EYA2: variants seen among roughly 807,000 people sequenced by gnomAD.
The protein encoded by EYA2 is EYA transcriptional coactivator and phosphatase 2.
Under a neutral mutation model 69.2 loss-of-function variants are expected in EYA2, and 31 were observed. The ratio of observed to expected loss-of-function variants is 0.45; its 90% CI spans 0.34 to 0.60. The LOEUF is 0.60. Ranked by LOEUF, EYA2 falls within the 20% of genes least tolerant of loss-of-function variation. The probability of loss-of-function intolerance (pLI) is 0.02; values close to 1 mark genes in which losing one functional copy is unlikely to be tolerated. For synonymous variants in EYA2, 257 were observed against 279.4 expected (o/e 0.92, Z 0.80); for missense variants, 622 against 701.2 (o/e 0.89, Z 1.28).
chr20:47,145,788 C>T (rs891713159), intron 10 of EYA2, among the ~76,000 whole-genome samples: 3 of 151,912 alleles, frequency 2.0e-5, no homozygotes, highest in Admixed American at 2.0e-4. Context: ...GTAATCCCAG[C>T]TACTCAGGAA....
chr20:47,167,850 ATG>A (rs1273302728), intron 10 of EYA2, among the ~76,000 whole-genome samples: 1 of 152,140 alleles, frequency 6.6e-6, no homozygotes, highest in East Asian at 1.9e-4. Context: ...CGAGATAAGA[ATG>A]TGCGCATCTT....
intron 5 of EYA2, among the ~76,000 whole-genome samples, chr20:47,046,982 G>A (rs58164086): frequency 0.036 from 5,551 of 152,184 alleles, 323 homozygotes; most frequent in African/African-American, 0.12. Flanking sequence ...TATGATATCT[G>A]TCTCCCCTGG....
chr20:46,948,455 A>C (rs1181338112), intron 1 of EYA2, among the ~76,000 whole-genome samples: 1 of 152,192 alleles, frequency 6.6e-6, no homozygotes, highest in African/African-American at 2.4e-5. Context: ...AACTGATTTT[A>C]TTAACCCATC....
At chr20:47,119,938 T>C (rs1340967453) in intron 9 of EYA2, among the ~76,000 whole-genome samples, 1 of 152,046 alleles carries the variant, frequency 6.6e-6, no homozygotes, top group Non-Finnish European at 1.5e-5. Flanking sequence ...CCGGGCACAG[T>C]GGCTCATGCC....
At chr20:46,990,622 A>G (rs1161832353) in intron 2 of EYA2, among the ~76,000 whole-genome samples, 1 of 152,248 alleles carries the variant, frequency 6.6e-6, no homozygotes, top group Non-Finnish European at 1.5e-5. Context: ...AACTATTGGC[A>G]AATGATGCAG....
intron 5 of EYA2, among the ~76,000 whole-genome samples, chr20:47,057,522 C>CCA (rs2030692552): frequency 1.3e-5 from 2 of 148,312 alleles, no homozygotes; most frequent in Non-Finnish European, 3.0e-5. Flanking sequence ...CCCCCCCCCC[C>CCA]ATCTCATACC....
At chr20:47,147,477 G>C (rs1194769166) in intron 10 of EYA2, among the ~76,000 whole-genome samples, 2 of 152,196 alleles carry the variant, frequency 1.3e-5, no homozygotes, top group Admixed American at 1.3e-4. Flanking sequence ...GAGTTGATGG[G>C]CTCCAGAAAC....
At chr20:47,071,594 A>G (rs1013860918) in intron 5 of EYA2, among the ~76,000 whole-genome samples, 6 of 152,156 alleles carry the variant, frequency 3.9e-5, no homozygotes, top group South Asian at 2.1e-4. Flanking sequence ...CCTGGCCTCA[A>G]ATTTTTTAAA....
intron 1 of EYA2, among the ~76,000 whole-genome samples, chr20:46,909,980 C>G (rs1984565159): frequency 6.6e-6 from 1 of 152,162 alleles, no homozygotes; most frequent in Non-Finnish European, 1.5e-5. Flanking sequence ...CATGCTCTTC[C>G]CCATGGGCCT....
intron 1 of EYA2, among the ~76,000 whole-genome samples, chr20:46,942,291 T>A (rs1407991480): frequency 6.6e-6 from 1 of 152,156 alleles, no homozygotes; most frequent in East Asian, 1.9e-4. Flanking sequence ...CACTGCAGCC[T>A]TGACCTCCTG....
At chr20:47,044,179 G>A (rs1192146553) in intron 5 of EYA2, among the ~76,000 whole-genome samples, 1 of 152,218 alleles carries the variant, frequency 6.6e-6, no homozygotes, top group African/African-American at 2.4e-5. Context: ...TCAGTCATCA[G>A]ACCATTTTCA....
chr20:47,182,294 C>T (rs1308244233), intron 14 of EYA2, among the ~76,000 whole-genome samples: 1 of 151,476 alleles, frequency 6.6e-6, no homozygotes, highest in Non-Finnish European at 1.5e-5. Context: ...GGATTACAGG[C>T]ATGAACCACC....
chr20:47,024,612 A>G (rs1983972495), intron 5 of EYA2, among the ~76,000 whole-genome samples: 1 of 152,192 alleles, frequency 6.6e-6, no homozygotes, highest in Admixed American at 6.5e-5. Context: ...TGCCAATTCC[A>G]GCCACATTAG....
intron 9 of EYA2, among the ~76,000 whole-genome samples, chr20:47,107,169 A>G (rs1003652819): frequency 2.0e-5 from 3 of 151,804 alleles, no homozygotes; most frequent in Admixed American, 2.0e-4. Context: ...TCCATTAAAA[A>G]CTCTGCCCTC....
chr20:47,008,003 G>A (rs1418203428), intron 4 of EYA2, among the ~76,000 whole-genome samples: 5 of 152,142 alleles, frequency 3.3e-5, no homozygotes, highest in African/African-American at 4.8e-5. Context: ...AGGAAGGCCC[G>A]TTGGGAGACG....
At chr20:47,083,083 C>T (rs972615570) in intron 7 of EYA2, among the ~76,000 whole-genome samples, 1 of 151,864 alleles carries the variant, frequency 6.6e-6, no homozygotes, top group African/African-American at 2.4e-5. Flanking sequence ...CCCATCTGCT[C>T]AGGAAGGTGA....
chr20:47,013,056 CAAAAG>C (rs142467022), intron 4 of EYA2, among the ~76,000 whole-genome samples: 34 of 152,342 alleles, frequency 2.2e-4, no homozygotes, highest in African/African-American at 8.2e-4. Flanking sequence ...CTTCAGCAAA[CAAAAG>C]AAGAGATGAA....
intron 7 of EYA2, among the ~76,000 whole-genome samples, chr20:47,086,770 G>A (rs566228048): frequency 4.2e-4 from 63 of 151,802 alleles, no homozygotes; most frequent in African/African-American, 1.5e-3. Flanking sequence ...GAATGTGTAC[G>A]TTTGGGTAAA....
At chr20:46,907,043 C>T (rs1434030885) in intron 1 of EYA2, among the ~76,000 whole-genome samples, 1 of 152,192 alleles carries the variant, frequency 6.6e-6, no homozygotes, top group Non-Finnish European at 1.5e-5. Flanking sequence ...CTTCCTTCAC[C>T]TCTCTCAGCC....
Sources: allele counts gnomAD v4.1 joint callset (sites outside exome capture counted in the v4.1 genomes callset), GRCh38; gene constraint gnomAD v4.1.1; transcripts MANE v1.5; gene names NCBI Gene and HGNC (gene_info 2026-07-23, HGNC 2026-07-21).